XKR6: variants seen among roughly 807,000 people sequenced by gnomAD.
The protein encoded by XKR6 is XK-related protein 6.
In XKR6, 22 loss-of-function variants were observed where a neutral mutation model predicts 56.7. The observed-to-expected ratio is 0.39, with a 90% confidence interval of 0.28 to 0.55. XKR6 has a LOEUF of 0.55. Among genes scored for constraint, XKR6 ranks in the 20% least tolerant of loss-of-function variants. XKR6 has a pLI of 0.66. For missense variants in XKR6, 852 were observed against 889.0 expected, an observed-to-expected ratio of 0.96 and a Z score of 0.53; for synonymous variants, 524 against 387.8, an observed-to-expected ratio of 1.35 and a Z score of -4.13.
At chr8:11,053,906 G>C (rs1003628772) in intron 1 of XKR6, among the ~76,000 whole-genome samples, 1 of 152,140 alleles carries the variant, frequency 6.6e-6, no homozygotes, top group African/African-American at 2.4e-5. Context: ...ATGTGTATAC[G>C]GAGTTTTCAG....
intron 1 of XKR6, among the ~76,000 whole-genome samples, chr8:11,134,099 C>G (rs1277349601): frequency 6.6e-6 from 1 of 152,158 alleles, no homozygotes; most frequent in African/African-American, 2.4e-5. Context: ...ACCCTGGTTC[C>G]TGGTTCATTT....
intron 1 of XKR6, among the ~76,000 whole-genome samples, chr8:11,199,052 CT>C (rs1191787437): frequency 6.6e-6 from 1 of 152,178 alleles, no homozygotes. Flanking sequence ...CCAAGCTATG[CT>C]TATAACAGCT....
At chr8:11,182,573 G>A (rs1803048161) in intron 1 of XKR6, among the ~76,000 whole-genome samples, 1 of 152,226 alleles carries the variant, frequency 6.6e-6, no homozygotes, top group South Asian at 2.1e-4. Flanking sequence ...TATATTAGCA[G>A]TGGTTTTGTT....
At chr8:10,944,884 A>G (rs1350718238) in intron 1 of XKR6, among the ~76,000 whole-genome samples, 1 of 152,204 alleles carries the variant, frequency 6.6e-6, no homozygotes, top group Non-Finnish European at 1.5e-5. Context: ...TGGTGGGCTC[A>G]GGGTGCGTGT....
rs1798313944 is a variant in XKR6, at chr8:11,004,260, T to C, written c.765-79430A>G. Among the ~76,000 whole-genome samples, 3 of 151,814 alleles carry C rather than the reference T, an allele frequency of 2.0e-5. No homozygotes were observed. The South Asian group carries it at 6.3e-4, about 32-fold the overall frequency. ...AGGCTGAGGCAGGTGGATCATGAGGTCAGGAGTTCGAGACCAGCCTGACAA... is the reference window on the plus strand; with the variant it reads ...AGGCTGAGGCAGGTGGATCATGAGGCCAGGAGTTCGAGACCAGCCTGACAA... On this transcript the variant is annotated intron_variant, in intron 1 of 2. Transcript: ENST00000416569.
chr8:10,999,235 A>G (rs1798185401), intron 1 of XKR6, among the ~76,000 whole-genome samples: 1 of 152,228 alleles, frequency 6.6e-6, no homozygotes, highest in Admixed American at 6.5e-5. Flanking sequence ...AGTGGCAACA[A>G]GTTGTATATC....
At chr8:10,968,844 C>A (rs1802311248) in intron 1 of XKR6, among the ~76,000 whole-genome samples, 1 of 152,208 alleles carries the variant, frequency 6.6e-6, no homozygotes, top group East Asian at 1.9e-4. Context: ...GGCTCTGGGA[C>A]TGGGGAGCCA....
chr8:10,975,677 C>A (rs1432419558), intron 1 of XKR6, among the ~76,000 whole-genome samples: 2 of 151,968 alleles, frequency 1.3e-5, no homozygotes, highest in Non-Finnish European at 1.5e-5. Flanking sequence ...GAAACAAAGC[C>A]CCATTACAGC....
intron 1 of XKR6, among the ~76,000 whole-genome samples, chr8:11,056,678 T>C (rs935386637): frequency 2.0e-5 from 3 of 152,242 alleles, no homozygotes; most frequent in African/African-American, 7.2e-5. Flanking sequence ...AGTGCAGCAA[T>C]TAATGTCACC....
chr8:10,903,439 G>C (rs777589284), intron 2 of XKR6, among the ~76,000 whole-genome samples: 4 of 152,140 alleles, frequency 2.6e-5, no homozygotes, highest in Admixed American at 1.3e-4. Flanking sequence ...AACTTGGCAG[G>C]ATTCACTGAG....
At chr8:10,993,019 C>T (rs746062099) in intron 1 of XKR6, among the ~76,000 whole-genome samples, 59 of 152,224 alleles carry the variant, frequency 3.9e-4, no homozygotes, top group Middle Eastern at 3.4e-3. Context: ...GCAAACAACA[C>T]GGAGAAAGAG....
intron 1 of XKR6, among the ~76,000 whole-genome samples, chr8:10,927,324 C>T (rs144170595): frequency 6.6e-6 from 1 of 152,074 alleles, no homozygotes; most frequent in Non-Finnish European, 1.5e-5. Flanking sequence ...GCCTCAGTGC[C>T]GTGTGTCTCC....
chr8:11,093,298 G>A (rs542642416), intron 1 of XKR6, among the ~76,000 whole-genome samples: 76 of 152,184 alleles, frequency 5.0e-4, no homozygotes, highest in Middle Eastern at 3.4e-3. Context: ...CGGGTGATCC[G>A]CCCACCTCGG....
intron 2 of XKR6, among the ~76,000 whole-genome samples, chr8:10,899,605 T>C (rs1213409565): frequency 6.6e-6 from 1 of 152,212 alleles, no homozygotes; most frequent in African/African-American, 2.4e-5. Context: ...TGTTGCTTTT[T>C]CCAACCGACT....
At chr8:10,988,339 G>A (rs947198260) in intron 1 of XKR6, among the ~76,000 whole-genome samples, 1 of 152,216 alleles carries the variant, frequency 6.6e-6, no homozygotes, top group Non-Finnish European at 1.5e-5. Context: ...GAATGAGTAG[G>A]TGAATTAACT....
intron 1 of XKR6, among the ~76,000 whole-genome samples, chr8:11,042,791 G>A (rs981586050): frequency 2.0e-5 from 3 of 147,430 alleles, no homozygotes; most frequent in African/African-American, 8.0e-5. Context: ...GTGCTACCTG[G>A]ACTAACATTT....
At chr8:11,137,650 T>C (rs571525949) in intron 1 of XKR6, 16 of 456,214 alleles carry the variant, frequency 3.5e-5, no homozygotes, top group Admixed American at 2.6e-4. Flanking sequence ...CACCATGCCA[T>C]GGTGTGAGCA....
intron 1 of XKR6, among the ~76,000 whole-genome samples, chr8:11,052,611 G>A (rs898385401): frequency 2.0e-4 from 31 of 152,118 alleles, no homozygotes; most frequent in Non-Finnish European, 3.8e-4. Context: ...TGTCTGGCCT[G>A]TGGGGGAGCC....
chr8:11,094,682 T>C (rs1586536933), intron 1 of XKR6, among the ~76,000 whole-genome samples: 1 of 152,206 alleles, frequency 6.6e-6, no homozygotes, highest in East Asian at 1.9e-4. Context: ...AGCCAGACAC[T>C]AGGCAGATGA....
Sources: gnomAD v4.1 joint callset for allele counts (sites outside exome capture counted in the v4.1 genomes callset) on GRCh38, gnomAD v4.1.1 for gene constraint, MANE v1.5 for transcripts, NCBI Gene and HGNC (gene_info 2026-07-23, HGNC 2026-07-21) for gene names.